The following DAB2IP variants were observed in gnomAD, a reference collection of about 807,000 sequenced individuals.
The protein encoded by DAB2IP is disabled homolog 2-interacting protein.
A neutral mutation model predicts 107.2 loss-of-function variants in DAB2IP; 28 were observed. The ratio of observed to expected loss-of-function variants is 0.26; its 90% CI spans 0.19 to 0.36. The LOEUF is 0.36. DAB2IP is among the 10% of genes least tolerant of loss of function. The pLI, the probability that DAB2IP is intolerant of heterozygous loss-of-function variation, is 1.00. For synonymous variants in DAB2IP, 755 were observed against 706.4 expected (o/e 1.07, Z -1.09); for missense variants, 1,400 against 1,644.7 (o/e 0.85, Z 2.57).
At chr9:121,663,800 C>G (rs573243852) in intron 1 of DAB2IP, among the ~76,000 whole-genome samples, 1 of 152,244 alleles carries the variant, frequency 6.6e-6, no homozygotes, top group Non-Finnish European at 1.5e-5. Flanking sequence ...GGGCCAGGCG[C>G]GAACTCAGCT....
intron 3 of DAB2IP, among the ~76,000 whole-genome samples, chr9:121,718,934 C>G (rs1830766889): frequency 6.6e-6 from 1 of 152,224 alleles, no homozygotes; most frequent in Non-Finnish European, 1.5e-5. Context: ...CACTTTGCTC[C>G]TCATTTTTTG....
intron 3 of DAB2IP, among the ~76,000 whole-genome samples, chr9:121,712,057 G>A (rs117009838): frequency 0.017 from 2,652 of 152,322 alleles, 40 homozygotes; most frequent in Non-Finnish European, 0.026. Context: ...TTATGGATGG[G>A]TTTGCCATGG....
intron 1 of DAB2IP, among the ~76,000 whole-genome samples, chr9:121,571,202 CTT>C (rs1829933297): frequency 6.6e-6 from 1 of 152,134 alleles, no homozygotes; most frequent in African/African-American, 2.4e-5. Flanking sequence ...CATAGGCCCT[CTT>C]TTCCTTTATG....
chr9:121,650,288 T>C (rs1309053811), upstream of DAB2IP, among the ~76,000 whole-genome samples: 2 of 151,844 alleles, frequency 1.3e-5, no homozygotes, highest in African/African-American at 4.8e-5. Flanking sequence ...CTCCTGCCCC[T>C]CCCCCCTGGT....
At chr9:121,567,200 C>G (rs1564675435) in exon 1 of DAB2IP, 1 of 1,614,074 alleles carries the variant, frequency 6.2e-7, no homozygotes, top group South Asian at 1.1e-5. Context: ...TGGAGCCCGA[C>G]TCCCTTCTGG....
intron 3 of DAB2IP, among the ~76,000 whole-genome samples, chr9:121,710,663 C>T (rs959016019): frequency 1.3e-5 from 2 of 152,140 alleles, no homozygotes; most frequent in Non-Finnish European, 2.9e-5. Flanking sequence ...CCTCCAAGGT[C>T]AGAAGAACAT....
rs949143587 is a variant in DAB2IP, at chr9:121,763,550, G to A, written c.1216G>A (p.Asp406Asn). 37 of 1,613,798 alleles carry A rather than the reference G, an allele frequency of 2.3e-5. No homozygotes were observed. The highest frequency in any genetic ancestry group is 3.0e-5 in the Non-Finnish European group (35 of 1,180,030). Residue 406 changes from aspartate (D) to asparagine (N), a missense_variant, in exon 7 of 16, where the codon GAC becomes AAC. Physicochemically the swap from Asp to Asn is conservative, Grantham distance 23. Coordinates refer to ENST00000408936, the Ensembl canonical transcript of DAB2IP. ...GATGTCAGAGGTGGACCGCTGCGGG[G>A]ACAACGAGCACCTCATCTTCCGGGA...
chr9:121,593,663 CTTTTTTT>C (rs1450077215), intron 1 of DAB2IP, among the ~76,000 whole-genome samples: 1 of 77,012 alleles, frequency 1.3e-5, no homozygotes, highest in African/African-American at 6.3e-5. Context: ...TTTCTTTTTT[CTTTTTTT>C]TTCTTTTTTT....
At chr9:121,716,808 C>T (rs1163504277) in intron 3 of DAB2IP, among the ~76,000 whole-genome samples, 4 of 152,168 alleles carry the variant, frequency 2.6e-5, no homozygotes, top group East Asian at 1.9e-4. Context: ...CCAAGGTAGG[C>T]GTGGTAATTC....
chr9:121,621,558 C>G (rs1366067557), intron 1 of DAB2IP, among the ~76,000 whole-genome samples: 1 of 152,040 alleles, frequency 6.6e-6, no homozygotes, highest in African/African-American at 2.4e-5. Flanking sequence ...ACAAAGCCTG[C>G]AAGGGATGTA....
intron 2 of DAB2IP, among the ~76,000 whole-genome samples, chr9:121,689,451 A>G (rs947135836): frequency 3.3e-5 from 5 of 152,150 alleles, no homozygotes; most frequent in African/African-American, 7.2e-5. Context: ...TGTATTCTGT[A>G]GTGAAAAGGG....
intron 1 of DAB2IP, among the ~76,000 whole-genome samples, chr9:121,632,517 G>A (rs1326894907): frequency 6.6e-6 from 1 of 152,110 alleles, no homozygotes; most frequent in African/African-American, 2.4e-5. Context: ...CCTAAGGGCT[G>A]GGGCCAGGAC....
In DAB2IP at chr9:121,776,423, GGCACAGGCAGGGCAGCCATCGCT is replaced by G; in HGVS notation, c.3314+35_3314+57del. 1 of 1,482,044 alleles carries G rather than the reference GGCACAGGCAGGGCAGCCATCGCT, an allele frequency of 6.7e-7. No homozygotes were observed. The highest frequency in any genetic ancestry group is 9.0e-7 in the Non-Finnish European group (1 of 1,116,788). 91.8% of individuals were successfully genotyped at this position (1,482,044 alleles called of 1,614,324 possible). A position where few individuals can be genotyped will look rare whatever the true frequency, so the allele number is the denominator to read the frequency against. On this transcript the variant is annotated intron_variant, in intron 14 of 15. Transcript: ENST00000408936. The surrounding 1 kb of genome is among the most constrained non-coding windows in gnomAD (Gnocchi z 5.4). Reference sequence around the variant, plus strand: ...CCCACACCTGCCTGGCCTGGCCACAGGCACAGGCAGGGCAGCCATCGCTGCCTTCGAGGAGGCCCCTGGTCGGG... The same window carrying G: ...CCCACACCTGCCTGGCCTGGCCACAGGCCTTCGAGGAGGCCCCTGGTCGGG...
rs573334741 is a variant in DAB2IP at position 121,662,367 on chromosome 9, G to A, written c.124+10468G>A. ...CCCCTCATCTGTTTCTGTATGACTT[G>A]TGAGCCAAGAATAGTTTTTACATTT... On this transcript the variant is annotated intron_variant, in intron 1 of 15. Coordinates refer to ENST00000408936, the Ensembl canonical transcript of DAB2IP. The surrounding 1 kb of genome is among the most constrained non-coding windows in gnomAD (Gnocchi z 4.6). 4.7e-4 allele frequency among the ~76,000 whole-genome samples: 71 copies of A among 152,270 alleles called. No individual in the cohort carries two copies. The highest frequency in any genetic ancestry group is 7.6e-4 in the Non-Finnish European group (52 of 68,014).
chr9:121,592,076 T>C lies in DAB2IP; in HGVS notation c.40+24848T>C, dbSNP rs193205281. Among the ~76,000 whole-genome samples, 3 of 152,206 alleles carry C rather than the reference T, an allele frequency of 2.0e-5. No homozygotes were observed. In the East Asian group the frequency reaches 5.8e-4, roughly 29 times the overall value. On this transcript the variant is annotated intron_variant, in intron 1 of 16. Coordinates refer to the DAB2IP transcript ENST00000259371. ...CTTCCCGAGAGCCATTAGGAAATAC[T>C]GCAGATCTGGCCAGGCGCCAGTGGC...
intron 3 of DAB2IP, among the ~76,000 whole-genome samples, chr9:121,724,341 C>T (rs960398472): frequency 6.6e-6 from 1 of 152,072 alleles, no homozygotes; most frequent in Non-Finnish European, 1.5e-5. Context: ...GTCCTTGTTC[C>T]CTCTTCTTCT....
chr9:121,593,691 G>A (rs1277548276), intron 1 of DAB2IP, among the ~76,000 whole-genome samples: 11 of 131,562 alleles, frequency 8.4e-5, no homozygotes, highest in Admixed American at 1.6e-4. Context: ...TTTTTGTGAC[G>A]GAGTCTCACT....
At chr9:121,781,374 C>A in intron 14 of DAB2IP, 90 bp from the exon 15 acceptor site, 1 of 1,260,850 alleles carries the variant, frequency 7.9e-7, no homozygotes, top group Non-Finnish European at 1.2e-6. Flanking sequence ...TGTGTCCCTG[C>A]TGTGTGCGGG....
At chr9:121,618,765 T>C (rs1831361711) in intron 1 of DAB2IP, among the ~76,000 whole-genome samples, 1 of 152,162 alleles carries the variant, frequency 6.6e-6, no homozygotes, top group Non-Finnish European at 1.5e-5. Flanking sequence ...GCCCTGTGCA[T>C]TGAGAAAGAT....
Sources: gnomAD v4.1 joint callset for allele counts (sites outside exome capture counted in the v4.1 genomes callset) on GRCh38, gnomAD v4.1.1 for gene constraint, Gnocchi (gnomAD v3.1) non-coding constraint, MANE v1.5 for transcripts, NCBI Gene and HGNC (gene_info 2026-07-23, HGNC 2026-07-21) for gene names.